FRY: variants seen among roughly 807,000 people sequenced by gnomAD.
FRY encodes the protein protein furry homolog.
A neutral mutation model predicts 348.4 loss-of-function variants in FRY; 128 were observed. The observed-to-expected ratio is 0.37, with a 90% CI of 0.32 to 0.43. The LOEUF is 0.43. Among genes scored for constraint, FRY ranks in the 20% least tolerant of loss-of-function variants. The pLI, the probability that FRY is intolerant of heterozygous loss-of-function variation, is 1.00. For synonymous variants in FRY, 1,370 were observed against 1,374.7 expected, an observed-to-expected ratio of 1.00 and a Z score of 0.08; for missense variants, 2,736 against 3,695.2, an observed-to-expected ratio of 0.74 and a Z score of 6.73.
chr13:32,182,559 C>T (rs761992426), intron 23 of FRY, among the ~76,000 whole-genome samples: 10 of 152,160 alleles, frequency 6.6e-5, no homozygotes, highest in Non-Finnish European at 1.3e-4. Flanking sequence ...TTCTTGTGTA[C>T]AGGGGCTCAA....
In FRY at chr13:32,296,765, A is replaced by G. The variant is rs2072069633; in HGVS notation, c.*1305A>G. 1 of 152,210 alleles carries G rather than the reference A, an allele frequency of 6.6e-6. No homozygotes were observed. The highest frequency in any genetic ancestry group is 2.4e-5 in the African/African-American group (1 of 41,444). 9.4% of individuals were successfully genotyped at this position (152,210 alleles called of 1,614,324 possible). On this transcript the variant is annotated 3_prime_UTR_variant, in exon 61 of 61. Transcript: ENST00000542859. ...CCCTCGCATGTATGATCTGAATGGC[A>G]CCCGTGGGGGTCATGCCATGCATGG...
chr13:32,269,179 C>G (rs1352493309), intron 55 of FRY, among the ~76,000 whole-genome samples: 1 of 152,136 alleles, frequency 6.6e-6, no homozygotes, highest in Non-Finnish European at 1.5e-5. Flanking sequence ...AAGTGCAAAA[C>G]TAAAATTATG....
At chr13:32,291,491 C>T (rs912897440) in intron 59 of FRY, among the ~76,000 whole-genome samples, 2 of 151,654 alleles carry the variant, frequency 1.3e-5, no homozygotes, top group Non-Finnish European at 2.9e-5. Context: ...CCGCAACCTC[C>T]GCCTCCCAGG....
At chr13:32,038,723 T>G (rs1216430431) in intron 1 of FRY, 1 of 152,212 alleles carries the variant, frequency 6.6e-6, no homozygotes, top group Non-Finnish European at 1.5e-5. Flanking sequence ...GAATGGGCTT[T>G]TCCATAAGAC....
At position 32,194,338 on chromosome 13, in the gene FRY, T is replaced by C. The variant is rs768630392; in HGVS notation, c.3746+41T>C. The C allele has an allele frequency of 3.2e-6, 5 of 1,580,280 alleles. 1 individual carries two copies. In the South Asian group the frequency reaches 5.5e-5, roughly 17 times the overall value. On this transcript the variant is annotated intron_variant, in intron 29 of 60. Coordinates refer to ENST00000542859, the MANE Select transcript of FRY (RefSeq NM_023037.3). ...AGCAGTGATGAGTGGCAAGTATGTT[T>C]AGGGTTACTTTTTGTGATATGAATG...
intron 3 of FRY, among the ~76,000 whole-genome samples, chr13:32,115,943 T>C (rs1347481398): frequency 1.3e-5 from 2 of 152,176 alleles, no homozygotes; most frequent in Non-Finnish European, 2.9e-5. Context: ...TCTTCATTTT[T>C]TTCATTTACC....
intron 35 of FRY, 70 bp downstream of exon 35, chr13:32,212,452 A>G: frequency 2.2e-6 from 2 of 917,070 alleles, no homozygotes; most frequent in Non-Finnish European, 3.5e-6. Flanking sequence ...ACATCAATAC[A>G]GGTTTGTGGA....
chr13:32,178,543 T>A (rs1281719576), intron 21 of FRY, 107 bp downstream of exon 21: 8 of 1,240,510 alleles, frequency 6.4e-6, no homozygotes, highest in Non-Finnish European at 9.2e-6. Flanking sequence ...TTTCTGAACT[T>A]CCTACTAGAG....
chr13:32,135,336 C>T (rs1436009108), intron 10 of FRY, among the ~76,000 whole-genome samples, 153 bp downstream of exon 10: 6 of 152,154 alleles, frequency 3.9e-5, no homozygotes, highest in African/African-American at 1.2e-4. Context: ...CTGAAGCTGG[C>T]TTTTTGTATT....
rs779441921 is a variant in FRY, at chr13:32,178,299, C to T, written c.2544C>T (p.Val848=). The part of the protein sequence containing the change: ...PSHVWIFAQS[V]KDPWVLCLFS... ...ATGTCTGGATATTTGCACAGTCTGTCAAAGACCCCTGGGTCCTCTGCCTCT... is the reference window on the plus strand; with the variant it reads ...ATGTCTGGATATTTGCACAGTCTGTTAAAGACCCCTGGGTCCTCTGCCTCT... Residue 848 remains valine, a synonymous_variant, in exon 21 of 61, where the codon GTC becomes GTT. Coordinates refer to ENST00000542859, the MANE Select transcript of FRY (RefSeq NM_023037.3). 2 of 1,614,110 alleles carry T rather than the reference C, an allele frequency of 1.2e-6. No homozygotes were observed. Among genetic ancestry groups the T allele is most frequent in the Non-Finnish European group, 1.7e-6 (2 of 1,180,038 alleles).
At chr13:32,286,424 A>C (rs925220962) in intron 58 of FRY, among the ~76,000 whole-genome samples, 43 of 152,060 alleles carry the variant, frequency 2.8e-4, no homozygotes, top group African/African-American at 1.0e-3. Flanking sequence ...CTTTCCATAA[A>C]CCAATTCTAT....
At position 32,265,477 on chromosome 13, in the gene FRY, A is replaced by G. The variant is rs765087411; in HGVS notation, c.7807A>G (p.Thr2603Ala). ...KAEAVREEED[T>A]TVHEDDLSSS... ...TGAAGCTGTTCGTGAGGAGGAGGAC[A>G]CCACCGTGCATGAGGATGATCTTTC... is the stretch of plus-strand genomic sequence containing the variant. Residue 2603 changes from threonine (T) to alanine (A), a missense_variant, in exon 54 of 61, where the codon ACC becomes GCC. Coordinates refer to ENST00000542859, the MANE Select transcript of FRY (RefSeq NM_023037.3). 3 of 1,614,192 alleles carry G rather than the reference A, an allele frequency of 1.9e-6. No homozygotes were observed. In the East Asian group the frequency reaches 6.7e-5, roughly 36 times the overall value.
At position 32,262,363 on chromosome 13, in the gene FRY, C is replaced by T; in HGVS notation, c.7667C>T (p.Thr2556Ile). The change falls in exon 53 of 61, where the codon ACC becomes ATC. Residue 2556 changes from threonine to isoleucine, a missense_variant. Coordinates refer to ENST00000542859, the MANE Select transcript of FRY (RefSeq NM_023037.3). ...GAGACGAATCCCATGGAGCTGCTCA[C>T]CACAGCCTGTGACTCGACCCCTGCA... ...SEETNPMELL[T>I]TACDSTPAEP... is the part of the protein sequence containing the mutation. 1 of 1,613,788 alleles carries T rather than the reference C, an allele frequency of 6.2e-7. No homozygotes were observed. The highest frequency in any genetic ancestry group is 8.5e-7 in the Non-Finnish European group (1 of 1,179,694).
At chr13:32,208,583 G>A (rs904833546) in intron 31 of FRY, among the ~76,000 whole-genome samples, 4 of 152,090 alleles carry the variant, frequency 2.6e-5, no homozygotes, top group Non-Finnish European at 4.4e-5. Context: ...TACATCTTCC[G>A]CTAGCAGTGG....
chr13:32,036,248 A>C (rs540705399), intron 1 of FRY, among the ~76,000 whole-genome samples: 1 of 152,326 alleles, frequency 6.6e-6, no homozygotes, highest in South Asian at 2.1e-4. Flanking sequence ...ATCAAGTGCA[A>C]GCATATTTAA....
rs546829278 is a variant in FRY, at chr13:32,283,885, A to G, written c.8469+5337A>G. ...TCATGACTTAAAATCAGCATTTCCA[A>G]CTAATGATTTTGGTTTCCACCAACC... On this transcript the variant is annotated intron_variant, in intron 58 of 60. Coordinates refer to ENST00000542859, the MANE Select transcript of FRY (RefSeq NM_023037.3). 3.3e-5 allele frequency among the ~76,000 whole-genome samples: 5 copies of G among 152,338 alleles called. No individual in the cohort carries two copies. In the East Asian group the frequency reaches 7.7e-4, roughly 24 times the overall value.
In FRY at chr13:32,147,192, C is replaced by T. The variant is rs966535693; in HGVS notation, c.1180-90C>T. The T allele has an allele frequency of 2.0e-5, 16 of 783,614 alleles. No homozygotes were observed. In the Admixed American group the frequency reaches 3.0e-4, roughly 14 times the overall value. The allele number at this position is 783,614 out of a possible 1,614,324, so 48.5% of individuals were successfully genotyped here. On this transcript the variant is annotated intron_variant, in intron 11 of 60. Transcript: ENST00000542859. ...TACCCAGCCATCCACCTGGAGCTTG[C>T]CTTTTCCAGGCCTGCAGATAAGAGC...
intron 3 of FRY, among the ~76,000 whole-genome samples, chr13:32,112,998 C>A (rs1878065731): frequency 6.6e-6 from 1 of 151,926 alleles, no homozygotes; most frequent in Admixed American, 6.5e-5. Context: ...ATCAAAGAAT[C>A]TTTTCCTAAC....
chr13:32,069,011 G>T (rs1256589948), intron 1 of FRY, among the ~76,000 whole-genome samples: 2 of 148,636 alleles, frequency 1.3e-5, no homozygotes, highest in Non-Finnish European at 3.0e-5. Context: ...CGCCTGCCGG[G>T]TTCACGCCCA....
Sources: gnomAD v4.1 joint callset for allele counts (sites outside exome capture counted in the v4.1 genomes callset) on GRCh38, gnomAD v4.1.1 for gene constraint, MANE v1.5 for transcripts, NCBI Gene and HGNC (gene_info 2026-07-23, HGNC 2026-07-21) for gene names.